The following EXOC2 variants were observed in gnomAD, a reference collection of about 807,000 sequenced individuals.
The protein encoded by EXOC2 is exocyst complex component 2.
In EXOC2, 70 loss-of-function variants were observed where a neutral mutation model predicts 131.8. That is an observed-to-expected ratio of 0.53 (90% CI 0.44 to 0.65). The LOEUF (loss-of-function observed/expected upper bound fraction) is 0.65, where lower values mean the gene tolerates loss of function less well. EXOC2 is among the 30% of genes least tolerant of loss of function. The probability of loss-of-function intolerance (pLI) is 0.00; values close to 1 mark genes in which losing one functional copy is unlikely to be tolerated. For missense variants in EXOC2, 923 were observed against 1,108.6 expected, an observed-to-expected ratio of 0.83 and a Z score of 2.38; for synonymous variants, 411 against 398.4, an observed-to-expected ratio of 1.03 and a Z score of -0.38.
At chr6:677,446 C>T (rs994617834) in intron 1 of EXOC2, among the ~76,000 whole-genome samples, 3 of 152,204 alleles carry the variant, frequency 2.0e-5, no homozygotes, top group Non-Finnish European at 4.4e-5. Context: ...ATACCAATTA[C>T]ATTAGGACAC....
chr6:656,964 C>G (rs751408510), intron 1 of EXOC2: 1 of 1,500,266 alleles, frequency 6.7e-7, no homozygotes, highest in Non-Finnish European at 8.9e-7. Context: ...GGGAAGGCAG[C>G]TGGGGGCCTC....
intron 10 of EXOC2, among the ~76,000 whole-genome samples, chr6:593,389 G>T (rs1210104007): frequency 1.3e-5 from 2 of 152,192 alleles, no homozygotes; most frequent in East Asian, 3.8e-4. Context: ...ACTGTGAAGA[G>T]ATTTGGTGAC....
At chr6:537,408 C>T (rs978906036) in intron 22 of EXOC2, among the ~76,000 whole-genome samples, 15 of 149,872 alleles carry the variant, frequency 1.0e-4, no homozygotes, top group African/African-American at 3.5e-4. Flanking sequence ...GAGTTCATGA[C>T]CGACGGAGCG....
intron 22 of EXOC2, among the ~76,000 whole-genome samples, chr6:534,244 A>C (rs1334091606): frequency 6.6e-6 from 1 of 152,206 alleles, no homozygotes; most frequent in Non-Finnish European, 1.5e-5. Flanking sequence ...AAATACAAGC[A>C]GATAGAGAAA....
At chr6:521,715 A>G (rs1372123095) in intron 23 of EXOC2, among the ~76,000 whole-genome samples, 3 of 151,808 alleles carry the variant, frequency 2.0e-5, no homozygotes, top group Non-Finnish European at 4.4e-5. Flanking sequence ...TTTTGTAGGG[A>G]TGGGGTCTCA....
chr6:598,751 C>T, intron 9 of EXOC2, 109 bp downstream of exon 9: 1 of 801,118 alleles, frequency 1.2e-6, no homozygotes, highest in African/African-American at 1.7e-5. Flanking sequence ...TAAAGAGAGC[C>T]TCATATAAAC....
chr6:505,598 C>G (rs1001147155), intron 23 of EXOC2, among the ~76,000 whole-genome samples: 1 of 152,240 alleles, frequency 6.6e-6, no homozygotes, highest in Non-Finnish European at 1.5e-5. Context: ...CCGCCCCACC[C>G]CACTCTGCAT....
At chr6:507,095 C>CAT (rs1487310176) in intron 23 of EXOC2, among the ~76,000 whole-genome samples, 3 of 140,798 alleles carry the variant, frequency 2.1e-5, no homozygotes, top group African/African-American at 7.9e-5. Flanking sequence ...TGACTACATA[C>CAT]ACACACACAC....
intron 23 of EXOC2, among the ~76,000 whole-genome samples, chr6:523,015 G>A (rs1050037811): frequency 2.6e-5 from 4 of 152,198 alleles, no homozygotes; most frequent in African/African-American, 7.2e-5. Flanking sequence ...AATGAACTTC[G>A]AAAGAATATT....
chr6:592,406 T>C, intron 11 of EXOC2, 63 bp downstream of exon 11: 1 of 1,349,742 alleles, frequency 7.4e-7, no homozygotes, highest in East Asian at 2.3e-5. Context: ...TCATTAAACA[T>C]TCCCAGAATG....
At chr6:514,807 G>T (rs1765051526) in intron 23 of EXOC2, among the ~76,000 whole-genome samples, 1 of 152,236 alleles carries the variant, frequency 6.6e-6, no homozygotes. Context: ...CAGGCCCTGG[G>T]TCAAGCCCCG....
intron 2 of EXOC2, among the ~76,000 whole-genome samples, chr6:634,129 G>T (rs561021422): frequency 3.3e-5 from 5 of 151,892 alleles, no homozygotes; most frequent in Non-Finnish European, 7.4e-5. Flanking sequence ...GCAGTGGCGT[G>T]ATCTTGGCTC....
At chr6:492,610 C>A (rs962025624) in intron 25 of EXOC2, among the ~76,000 whole-genome samples, 1 of 152,166 alleles carries the variant, frequency 6.6e-6, no homozygotes. Flanking sequence ...CATGGATGAA[C>A]CCTGAAACAT....
intron 11 of EXOC2, among the ~76,000 whole-genome samples, chr6:580,697 C>T (rs1267970859): frequency 2.6e-5 from 4 of 152,072 alleles, no homozygotes; most frequent in African/African-American, 4.8e-5. Context: ...CTCACCGAGG[C>T]ACTAACCTAT....
chr6:594,433 C>G (rs1177966895), intron 10 of EXOC2, among the ~76,000 whole-genome samples: 1 of 152,220 alleles, frequency 6.6e-6, no homozygotes, highest in African/African-American at 2.4e-5. Context: ...GCAACGCTTT[C>G]TCCTAACACT....
intron 22 of EXOC2, among the ~76,000 whole-genome samples, chr6:533,476 C>T (rs547855940): frequency 3.3e-5 from 5 of 152,060 alleles, no homozygotes; most frequent in African/African-American, 1.2e-4. Flanking sequence ...GCAGGTCAGG[C>T]CTTCGAGTCT....
intron 10 of EXOC2, among the ~76,000 whole-genome samples, chr6:595,655 A>G (rs774794527): frequency 2.0e-4 from 30 of 152,048 alleles, no homozygotes; most frequent in Non-Finnish European, 3.4e-4. Flanking sequence ...AACATAAAGA[A>G]TTTGTACACT....
At chr6:516,524 C>T (rs1581348219) in intron 23 of EXOC2, among the ~76,000 whole-genome samples, 1 of 152,172 alleles carries the variant, frequency 6.6e-6, no homozygotes, top group Non-Finnish European at 1.5e-5. Context: ...AGGCCTGAAG[C>T]CAAGGGATCA....
intron 23 of EXOC2, among the ~76,000 whole-genome samples, chr6:525,975 C>A (rs1389063223): frequency 6.6e-6 from 1 of 152,162 alleles, no homozygotes; most frequent in Non-Finnish European, 1.5e-5. Context: ...AACCAATTCA[C>A]TACTGATGGG....
Sources: gnomAD v4.1 joint callset for allele counts (sites outside exome capture counted in the v4.1 genomes callset) on GRCh38, gnomAD v4.1.1 for gene constraint, MANE v1.5 for transcripts, NCBI Gene and HGNC (gene_info 2026-07-23, HGNC 2026-07-21) for gene names.